Variants in DPY19L1 observed in about 807,000 individuals in gnomAD.
The protein encoded by DPY19L1 is dpy-19 like C-mannosyltransferase 1.
Under a neutral mutation model 96.9 loss-of-function variants are expected in DPY19L1, and 35 were observed. The ratio of observed to expected loss-of-function variants is 0.36; its 90% CI spans 0.28 to 0.48. The LOEUF (loss-of-function observed/expected upper bound fraction) is 0.48, where lower values mean the gene tolerates loss of function less well. DPY19L1 is among the 20% of genes least tolerant of loss of function. The pLI is 0.99. For synonymous variants in DPY19L1, 205 were observed against 252.6 expected (o/e 0.81, Z 1.79); for missense variants, 521 against 777.9 (o/e 0.67, Z 3.93).
chr7:34,999,541 G>A (rs1227373135), intron 6 of DPY19L1, among the ~76,000 whole-genome samples: 1 of 152,172 alleles, frequency 6.6e-6, no homozygotes, highest in East Asian at 1.9e-4. Flanking sequence ...GAGAGGAAAG[G>A]GGAATTCTCA....
At chr7:34,960,893 T>A (rs914454417) in intron 10 of DPY19L1, among the ~76,000 whole-genome samples, 1 of 152,170 alleles carries the variant, frequency 6.6e-6, no homozygotes, top group Non-Finnish European at 1.5e-5. Flanking sequence ...ATGTGATAAA[T>A]CATATTAATA....
At chr7:34,965,019 A>G (rs961437210) in intron 10 of DPY19L1, among the ~76,000 whole-genome samples, 2 of 152,192 alleles carry the variant, frequency 1.3e-5, no homozygotes, top group Non-Finnish European at 2.9e-5. Flanking sequence ...AGGATGTAGA[A>G]TAACATAAGC....
chr7:34,953,150 T>C (rs1784304122), intron 13 of DPY19L1, among the ~76,000 whole-genome samples: 1 of 152,112 alleles, frequency 6.6e-6, no homozygotes, highest in South Asian at 2.1e-4. Flanking sequence ...CAGTAGGAAA[T>C]AAAAGGCTGG....
chr7:34,981,050 G>GC (rs1784928457), intron 7 of DPY19L1, among the ~76,000 whole-genome samples: 1 of 152,172 alleles, frequency 6.6e-6, no homozygotes, highest in African/African-American at 2.4e-5. Context: ...AGGTGAGCCT[G>GC]CCTGGGGGTT....
chr7:34,998,337 G>A (rs956465319), intron 6 of DPY19L1, among the ~76,000 whole-genome samples: 6 of 152,106 alleles, frequency 3.9e-5, no homozygotes, highest in African/African-American at 7.2e-5. Flanking sequence ...AGATCAGAGG[G>A]GCCACAGGAA....
intron 2 of DPY19L1, 65 bp from the exon 3 acceptor site, chr7:35,018,034 G>A: frequency 1.7e-6 from 2 of 1,201,062 alleles, no homozygotes; most frequent in Admixed American, 2.5e-5. Context: ...TTTAAAGTAA[G>A]CTAAAAGCAA....
intron 6 of DPY19L1, among the ~76,000 whole-genome samples, chr7:34,992,017 C>T (rs371183964): frequency 5.9e-5 from 9 of 152,244 alleles, no homozygotes; most frequent in African/African-American, 1.7e-4. Flanking sequence ...AATGCTGGCA[C>T]GTTTGTTTCG....
intron 1 of DPY19L1, among the ~76,000 whole-genome samples, chr7:35,035,366 A>G (rs1786367291): frequency 6.6e-6 from 1 of 152,248 alleles, no homozygotes; most frequent in Admixed American, 6.5e-5. Context: ...ATCCAAAGGT[A>G]AGTCATCCAA....
Position 35,010,574 on chromosome 7 carries a change from A to G in DPY19L1, c.671-13T>C. 6 of 1,554,736 alleles carry G rather than the reference A, an allele frequency of 3.9e-6. No individual in the cohort carries two copies. The highest frequency in any genetic ancestry group is 5.3e-6 in the Non-Finnish European group (6 of 1,131,848). On this transcript the variant is annotated splice_polypyrimidine_tract_variant and intron_variant, in intron 5 of 21. Transcript: ENST00000638088. ...GGATCTCCCAATCCTTTAAAAATAA[A>G]CAAAACATATGTTCTAATCACATTA...
At chr7:35,027,883 A>G (rs966898805) in intron 1 of DPY19L1, among the ~76,000 whole-genome samples, 5 of 152,118 alleles carry the variant, frequency 3.3e-5, no homozygotes, top group African/African-American at 1.2e-4. Flanking sequence ...GATCTGAAGA[A>G]ACTACTGCCC....
chr7:34,945,108 C>A (rs1379082367), intron 16 of DPY19L1, among the ~76,000 whole-genome samples: 1 of 152,066 alleles, frequency 6.6e-6, no homozygotes, highest in African/African-American at 2.4e-5. Flanking sequence ...GGTCACACAT[C>A]AACATTTAAG....
intron 6 of DPY19L1, among the ~76,000 whole-genome samples, chr7:35,008,764 T>G (rs1256540394): frequency 6.6e-6 from 1 of 152,198 alleles, no homozygotes; most frequent in Non-Finnish European, 1.5e-5. Flanking sequence ...ATGCCATGTT[T>G]CATATTTTAA....
chr7:34,950,190 A>G (rs553945473), intron 13 of DPY19L1, among the ~76,000 whole-genome samples: 12 of 152,274 alleles, frequency 7.9e-5, no homozygotes, highest in African/African-American at 2.9e-4. Flanking sequence ...AACAGGCCGC[A>G]CAGCATCTCC....
chr7:35,000,855 T>C (rs1335649068), intron 6 of DPY19L1, among the ~76,000 whole-genome samples: 1 of 152,314 alleles, frequency 6.6e-6, no homozygotes, highest in Non-Finnish European at 1.5e-5. Context: ...GGCAATGAAA[T>C]AAACACTTTT....
chr7:35,012,929 T>C (rs895923022), intron 4 of DPY19L1, among the ~76,000 whole-genome samples: 1 of 148,020 alleles, frequency 6.8e-6, no homozygotes, highest in Admixed American at 6.8e-5. Flanking sequence ...GTGTGTTATA[T>C]ATACATATAT....
intron 9 of DPY19L1, among the ~76,000 whole-genome samples, chr7:34,969,141 C>T (rs1322496325): frequency 3.9e-5 from 6 of 151,974 alleles, no homozygotes; most frequent in Non-Finnish European, 8.8e-5. Flanking sequence ...AAGCACTTAA[C>T]GATACTGAAT....
At chr7:34,971,424 AG>A (rs1490648923) in intron 8 of DPY19L1, among the ~76,000 whole-genome samples, 1 of 152,172 alleles carries the variant, frequency 6.6e-6, no homozygotes, top group East Asian at 1.9e-4. Context: ...ATGACAACTA[AG>A]GGGCATAACC....
chr7:35,018,609 A>G lies in DPY19L1; in HGVS notation c.299-13T>C. 6.2e-7 allele frequency: 1 copy of G among 1,606,730 alleles called. No homozygotes were observed. The highest frequency in any genetic ancestry group is 8.5e-7 in the Non-Finnish European group (1 of 1,176,438). On this transcript the variant is annotated splice_polypyrimidine_tract_variant and intron_variant, in intron 1 of 21. Transcript: ENST00000638088. ...GCTGCAAAAACAGCTGTAAGAAAAA[A>G]GAAATTTAAATTAGAATTTTAGCAT... is the stretch of plus-strand genomic sequence containing the variant.
intron 20 of DPY19L1, among the ~76,000 whole-genome samples, chr7:34,938,613 T>C (rs1271984437): frequency 6.6e-6 from 1 of 152,216 alleles, no homozygotes; most frequent in African/African-American, 2.4e-5. Flanking sequence ...TGAGATTGAT[T>C]TTTTAATGAA....
Sources: gnomAD v4.1 joint callset for allele counts (sites outside exome capture counted in the v4.1 genomes callset) on GRCh38, gnomAD v4.1.1 for gene constraint, MANE v1.5 for transcripts, NCBI Gene and HGNC (gene_info 2026-07-23, HGNC 2026-07-21) for gene names.